The following ZBTB17 variants were observed in gnomAD, a reference collection of about 807,000 sequenced individuals.
The protein encoded by ZBTB17 is zinc finger and BTB domain containing 17, also known as zinc finger and BTB domain-containing protein 17.
In ZBTB17, 24 loss-of-function variants were observed where a neutral mutation model predicts 85.1. That is an observed-to-expected ratio of 0.28 (90% CI 0.20 to 0.40). The LOEUF (loss-of-function observed/expected upper bound fraction) is 0.40, where lower values mean the gene tolerates loss of function less well. Among genes scored for constraint, ZBTB17 ranks in the 10% least tolerant of loss-of-function variants. The pLI is 1.00. For missense variants in ZBTB17, 743 were observed against 1,105.1 expected (o/e 0.67, Z 4.65); for synonymous variants, 464 against 460.2 (o/e 1.01, Z -0.11).
chr1:15,947,181 G>A, intron 3 of ZBTB17, 58 bp from the exon 4 acceptor site: 1 of 1,517,656 alleles, frequency 6.6e-7, no homozygotes, highest in East Asian at 2.4e-5. Flanking sequence ...CCGGCAGCCT[G>A]CCCCACCACT....
At chr1:15,946,050 T>G (rs180797711) in intron 5 of ZBTB17, 104 bp downstream of exon 5, 14 of 1,569,186 alleles carry the variant, frequency 8.9e-6, no homozygotes, top group Non-Finnish European at 1.2e-5. Flanking sequence ...GCTCAAGAGG[T>G]GCAGGTGCCC....
At position 15,947,053 on chromosome 1, in the gene ZBTB17, C is replaced by T. The variant is rs1399248423; in HGVS notation, c.276G>A (p.Val92=). The change falls in exon 4 of 16, where the codon GTG becomes GTA. Residue 92 remains valine, a synonymous_variant. Transcript: ENST00000375743. ...LSLSPENVDD[V]LAVATFLQMQ... ...TTTGGAGGAAAGTGGCCACGGCCAG[C>T]ACATCATCCACGTTCTCAGGGCTCA... is the stretch of plus-strand genomic sequence containing the variant. The T allele has an allele frequency of 1.2e-6, 2 of 1,614,110 alleles. No individual in the cohort carries two copies. Among genetic ancestry groups the T allele is most frequent in the African/African-American group, 1.3e-5 (1 of 75,052 alleles).
At chr1:15,945,597 G>T in intron 6 of ZBTB17, 118 bp downstream of exon 6, 1 of 1,418,576 alleles carries the variant, frequency 7.0e-7, no homozygotes, top group Non-Finnish European at 9.5e-7. Context: ...TGAAGTGCAT[G>T]GTGACTCCAG....
chr1:15,954,407 C>T (rs1251349476), intron 2 of ZBTB17, among the ~76,000 whole-genome samples: 1 of 152,196 alleles, frequency 6.6e-6, no homozygotes, highest in African/African-American at 2.4e-5. Context: ...ACAACAGTCC[C>T]CGGCTCCCAG....
chr1:15,946,404 C>CT, intron 4 of ZBTB17, 110 bp from the exon 5 acceptor site: 1 of 1,489,628 alleles, frequency 6.7e-7, no homozygotes, highest in Middle Eastern at 1.8e-4. Flanking sequence ...TAGGGTACCT[C>CT]TAAGTAGTGG....
At position 15,944,811 on chromosome 1, in the gene ZBTB17, C is replaced by T; in HGVS notation, c.956G>A (p.Gly319Glu). 1 of 1,608,446 alleles carries T rather than the reference C, an allele frequency of 6.2e-7. No homozygotes were observed. Among genetic ancestry groups the T allele is most frequent in the Non-Finnish European group, 8.5e-7 (1 of 1,177,796 alleles). ...EDCGKEFTHT[G>E]NFKRHIRIHT... The stretch of plus-strand genomic sequence containing the variant: ...GATGCGGATGTGCCGCTTGAAGTTC[C>T]CCGTGTGCGTGAACTCCTTCCCACA... Residue 319 changes from glycine (G) to glutamate (E), a missense_variant, in exon 8 of 16, where the codon GGG becomes GAG. By Grantham distance (98) the Gly-to-Glu change is moderately conservative. This residue lies in a region of ZBTB17 where 321 missense variants were observed against 615.7 expected (regional missense o/e 0.52). Coordinates refer to ENST00000375743, the MANE Select transcript of ZBTB17 (RefSeq NM_003443.3).
At position 15,943,860 on chromosome 1, in the gene ZBTB17, G is replaced by C. The variant is rs765161802; in HGVS notation, c.1407C>G (p.Ile469Met). ...GNLKAHLKIH[I>M]ADGPLKCREC... Reference sequence around the variant, plus strand: ...CTCGGCACTTGAGGGGCCCGTCAGCGATGTGGATCTTCAGGTGGGCCTTCA... The same window carrying C: ...CTCGGCACTTGAGGGGCCCGTCAGCCATGTGGATCTTCAGGTGGGCCTTCA... Residue 469 changes from isoleucine (I) to methionine (M), a missense_variant, in exon 10 of 16, where the codon ATC becomes ATG. Physicochemically the swap from Ile to Met is conservative, Grantham distance 10 (BLOSUM62 1). Around this residue, in one of 4 missense-constraint regions of ZBTB17, gnomAD observed 321 missense variants for 615.7 expected, o/e 0.52. Transcript: ENST00000375743. 6.2e-7 allele frequency: 1 copy of C among 1,609,820 alleles called. No individual in the cohort carries two copies. The highest frequency in any genetic ancestry group is 8.5e-7 in the Non-Finnish European group (1 of 1,178,492).
chr1:15,961,609 C>G (rs2072260794), intron 2 of ZBTB17, among the ~76,000 whole-genome samples: 1 of 152,218 alleles, frequency 6.6e-6, no homozygotes. Context: ...AGGAGAGGCT[C>G]AGGGGCCCAG....
rs1423324523 is a variant in ZBTB17 at position 15,973,390 on chromosome 1, G to A, written c.-89-265C>T. Among the ~76,000 whole-genome samples, 1 of 151,102 alleles carries A rather than the reference G, an allele frequency of 6.6e-6. No homozygotes were observed. Among genetic ancestry groups the A allele is most frequent in the Non-Finnish European group, 1.5e-5 (1 of 67,828 alleles). On this transcript the variant is annotated intron_variant, in intron 1 of 15. Transcript: ENST00000375743. The surrounding 1 kb of genome is among the most constrained non-coding windows in gnomAD (Gnocchi z 4.1). ...AGAGACAGGACACAATGTTAAGAAG[G>A]AAAAACGACAAGGTTTGTATCCAAG...
At chr1:15,960,286 T>A (rs2072211333) in intron 2 of ZBTB17, among the ~76,000 whole-genome samples, 1 of 152,222 alleles carries the variant, frequency 6.6e-6, no homozygotes, top group Non-Finnish European at 1.5e-5. Context: ...ATGGAGATGA[T>A]GACAAAAGTT....
At chr1:15,972,411 G>T (rs2072720268) in intron 2 of ZBTB17, among the ~76,000 whole-genome samples, 2 of 152,192 alleles carry the variant, frequency 1.3e-5, no homozygotes, top group Non-Finnish European at 2.9e-5. Flanking sequence ...GACAGAGCAG[G>T]TTCTCTCAGC....
rs753359552 is a variant in ZBTB17 at position 15,942,663 on chromosome 1, G to T, written c.1904C>A (p.Thr635Asn). The change falls in exon 14 of 16, where the codon ACC becomes AAC. Residue 635 changes from threonine (T) to asparagine (N), a missense_variant. Physicochemically the swap from Thr to Asn is moderately conservative, Grantham distance 65. Around this residue, in one of 4 missense-constraint regions of ZBTB17, gnomAD observed 321 missense variants for 615.7 expected, o/e 0.52. Coordinates refer to ENST00000375743, the MANE Select transcript of ZBTB17 (RefSeq NM_003443.3). Reference sequence around the variant, plus strand: ...GATGCCTGCCTTGCCCTGGTGCACGGTCTTCACGTGGGAGCGCAGGTTGTC... The same window carrying T: ...GATGCCTGCCTTGCCCTGGTGCACGTTCTTCACGTGGGAGCGCAGGTTGTC... The part of the protein sequence containing the change: ...RVDNLRSHVK[T>N]VHQGKAGIKI... 6.2e-7 allele frequency: 1 copy of T among 1,613,704 alleles called. No individual in the cohort carries two copies. The highest frequency in any genetic ancestry group is 8.5e-7 in the Non-Finnish European group (1 of 1,180,022).
chr1:15,969,602 G>A (rs976659932), intron 2 of ZBTB17: 16 of 412,510 alleles, frequency 3.9e-5, no homozygotes, highest in East Asian at 1.5e-4. Flanking sequence ...CCTGGGCCTC[G>A]GAGGGTGGGG....
At position 15,945,925 on chromosome 1, in the gene ZBTB17, G is replaced by T. The variant is rs761373026; in HGVS notation, c.536-85C>A. 19 of 1,563,300 alleles carry T rather than the reference G, an allele frequency of 1.2e-5. No individual in the cohort carries two copies. In the Admixed American group the frequency reaches 3.2e-4, roughly 27 times the overall value. On this transcript the variant is annotated intron_variant, in intron 5 of 15. Coordinates refer to ENST00000375743, the MANE Select transcript of ZBTB17 (RefSeq NM_003443.3). ...CTCCTGGACCAGCGCGCTGGTGGTGGCTGCGTGTGACCCAGGAGGGGAGGC... is the reference window on the plus strand; with the variant it reads ...CTCCTGGACCAGCGCGCTGGTGGTGTCTGCGTGTGACCCAGGAGGGGAGGC...
intron 2 of ZBTB17, among the ~76,000 whole-genome samples, chr1:15,971,398 CTATATATATACACACACACTA>C (rs71003224): frequency 2.0e-5 from 3 of 146,356 alleles, no homozygotes; most frequent in Non-Finnish European, 4.5e-5. Flanking sequence ...TATATACACA[CTATATATATACACACACACTA>C]TATATATATA....
In ZBTB17 at chr1:15,943,414, T is replaced by C; in HGVS notation, c.1682A>G (p.Glu561Gly). 1 of 1,602,590 alleles carries C rather than the reference T, an allele frequency of 6.2e-7. No homozygotes were observed. The highest frequency in any genetic ancestry group is 8.5e-7 in the Non-Finnish European group (1 of 1,173,876). Reference protein sequence around the residue: ...QHTGEKPYVCERCGKRFVQSS... With the variant: ...QHTGEKPYVCGRCGKRFVQSS... ...GGGGCAGGACCTCTTGCCGCAGCGC[T>C]CGCAGACGTAGGGCTTCTCCCCGGT... The change falls in exon 12 of 16, where the codon GAG becomes GGG. Residue 561 changes from glutamate to glycine, a missense_variant. By Grantham distance (98) the Glu-to-Gly change is moderately conservative. Around this residue, in one of 4 missense-constraint regions of ZBTB17, gnomAD observed 321 missense variants for 615.7 expected, o/e 0.52. Coordinates refer to ENST00000375743, the MANE Select transcript of ZBTB17 (RefSeq NM_003443.3).
rs1194937789 is a variant in ZBTB17, at chr1:15,953,653, AC to A, written c.-2-5157del. On this transcript the variant is annotated intron_variant, in intron 2 of 15. Coordinates refer to ENST00000375743, the MANE Select transcript of ZBTB17 (RefSeq NM_003443.3). This position sits in a 1 kb window ranked among gnomAD's most constrained non-coding sequence, Gnocchi z 5.1. ...CAAGTTCCATACTGCTGCCTCCACG[AC>A]GCAGGGATTCCAGTGGCGGCTGAGC... 6.6e-6 allele frequency among the ~76,000 whole-genome samples: 1 copy of A among 152,228 alleles called. No homozygotes were observed. The highest frequency in any genetic ancestry group is 1.9e-4 in the East Asian group (1 of 5,196).
Position 15,973,109 on chromosome 1 carries a change from C to T in ZBTB17, c.-73G>A, listed in dbSNP as rs1357772844. Reference sequence around the variant, plus strand: ...CTGTGTAAACTCCAGCTTGGCTCCCCTCGTCCGGCTCATTACCTGAATCAA... The same window carrying T: ...CTGTGTAAACTCCAGCTTGGCTCCCTTCGTCCGGCTCATTACCTGAATCAA... On this transcript the variant is annotated 5_prime_UTR_variant, in exon 2 of 16. Transcript: ENST00000375743. This position sits in a 1 kb window ranked among gnomAD's most constrained non-coding sequence, Gnocchi z 4.1. 6.6e-6 allele frequency: 1 copy of T among 152,232 alleles called. No homozygotes were observed. Among genetic ancestry groups the T allele is most frequent in the Non-Finnish European group, 1.5e-5 (1 of 68,048 alleles). The allele number at this position is 152,232 out of a possible 1,614,324, so 9.4% of individuals were successfully genotyped here.
chr1:15,968,315 C>G lies in ZBTB17; in HGVS notation c.-3+4724G>C, dbSNP rs559967259. Reference sequence around the variant, plus strand: ...AAATGCCAGTTCCTCCTCAGCCAATCAAGGCTGATCATCCACTCATCCGAC... The same window carrying G: ...AAATGCCAGTTCCTCCTCAGCCAATGAAGGCTGATCATCCACTCATCCGAC... On this transcript the variant is annotated intron_variant, in intron 2 of 15. Transcript: ENST00000375743. Among the ~76,000 whole-genome samples, 5 of 152,298 alleles carry G rather than the reference C, an allele frequency of 3.3e-5. No homozygotes were observed. The East Asian group carries it at 7.7e-4, about 23-fold the overall frequency.
Sources: allele counts gnomAD v4.1 joint callset (sites outside exome capture counted in the v4.1 genomes callset), GRCh38; gene constraint gnomAD v4.1.1; regional missense constraint gnomAD v4.1.1; non-coding constraint Gnocchi (gnomAD v3.1); transcripts MANE v1.5; gene names NCBI Gene and HGNC (gene_info 2026-07-23, HGNC 2026-07-21).